The following CACNA1S variants were observed in gnomAD, a reference collection of about 807,000 sequenced individuals.
CACNA1S encodes the protein calcium voltage-gated channel subunit alpha1 S.
A neutral mutation model predicts 207.4 loss-of-function variants in CACNA1S; 126 were observed. The observed-to-expected ratio is 0.61, with a 90% CI of 0.53 to 0.70. CACNA1S has a LOEUF of 0.70. Ranked by LOEUF, CACNA1S falls within the 30% of genes least tolerant of loss-of-function variation. CACNA1S has a pLI of 0.00. For missense variants in CACNA1S, 2,349 were observed against 2,422.8 expected, an observed-to-expected ratio of 0.97 and a Z score of 0.64; for synonymous variants, 960 against 932.7, an observed-to-expected ratio of 1.03 and a Z score of -0.53.
intron 16 of CACNA1S, among the ~76,000 whole-genome samples, chr1:201,071,660 C>T (rs1661438948): frequency 6.6e-6 from 1 of 152,192 alleles, no homozygotes; most frequent in Non-Finnish European, 1.5e-5. Context: ...CCAGCCCCTT[C>T]CTTGTCCCTG....
intron 41 of CACNA1S, among the ~76,000 whole-genome samples, chr1:201,041,030 A>G (rs553279334): frequency 6.6e-6 from 1 of 152,278 alleles, no homozygotes; most frequent in East Asian, 1.9e-4. Context: ...GTGTTGGGGA[A>G]CACAGCAGTA....
In CACNA1S at chr1:201,039,854, T is replaced by A. The variant is rs752875772; in HGVS notation, c.5599A>T (p.Thr1867Ser). 6.2e-7 allele frequency: 1 copy of A among 1,607,600 alleles called. No individual in the cohort carries two copies. Among genetic ancestry groups the A allele is most frequent in the South Asian group, 1.1e-5 (1 of 91,074 alleles). Reference protein sequence around the residue: ...SLDQHQGSQETLIPPRL With the variant: ...SLDQHQGSQESLIPPRL ...CATCACAGCCTTGGAGGAATAAGGG[T>A]CTCCTGGGAGCCCTGGTGTTGGTCG... The change falls in exon 44 of 44, where the codon ACC (threonine) becomes TCC (serine). Residue 1867 changes from threonine to serine, a missense_variant. Transcript: ENST00000362061.
chr1:201,078,781 A>G (rs1661729628), intron 10 of CACNA1S, among the ~76,000 whole-genome samples: 1 of 151,700 alleles, frequency 6.6e-6, no homozygotes, highest in Non-Finnish European at 1.5e-5. Flanking sequence ...TCTTTCCTAT[A>G]TATTTAACTT....
chr1:201,082,578 C>T (rs1661876114), intron 10 of CACNA1S, among the ~76,000 whole-genome samples: 1 of 152,184 alleles, frequency 6.6e-6, no homozygotes, highest in Admixed American at 6.5e-5. Context: ...TGTGATTCTC[C>T]TCTTGCTGCT....
At chr1:201,083,921 T>A (rs1405794264) in intron 9 of CACNA1S, among the ~76,000 whole-genome samples, 1 of 152,172 alleles carries the variant, frequency 6.6e-6, no homozygotes, top group Non-Finnish European at 1.5e-5. Context: ...AGCAAGTCTA[T>A]TTCTAGAGTT....
chr1:201,087,737 T>A, intron 7 of CACNA1S, 89 bp downstream of exon 7: 2 of 623,242 alleles, frequency 3.2e-6, no homozygotes, highest in Non-Finnish European at 5.6e-6. Context: ...ACCCCTCCTG[T>A]TTCTTTTCCC....
At chr1:201,046,187 T>TTATC (rs560664811) in intron 38 of CACNA1S, among the ~76,000 whole-genome samples, 118 of 151,968 alleles carry the variant, frequency 7.8e-4, no homozygotes, top group South Asian at 4.1e-3. Context: ...ATTTATTTAT[T>TTATC]TATCTATCTT....
chr1:201,069,868 G>T (rs777935980), intron 17 of CACNA1S, among the ~76,000 whole-genome samples: 1 of 152,062 alleles, frequency 6.6e-6, no homozygotes, highest in Non-Finnish European at 1.5e-5. Context: ...CCACCCTGAG[G>T]TTTCCCATCA....
intron 1 of CACNA1S, 29 bp downstream of exon 1, chr1:201,112,159 C>CCG (rs1414120699): frequency 6.2e-7 from 1 of 1,600,396 alleles, no homozygotes; most frequent in Non-Finnish European, 8.6e-7. Flanking sequence ...ACGCACACCC[C>CCG]CCCCCACGGC....
intron 34 of CACNA1S, 34 bp from the exon 35 acceptor site, chr1:201,049,133 A>T: frequency 6.8e-7 from 1 of 1,471,594 alleles, no homozygotes; most frequent in Non-Finnish European, 9.4e-7. Flanking sequence ...TGTACCTGCT[A>T]CCCTCCTCCG....
chr1:201,078,045 C>A lies in CACNA1S; in HGVS notation c.1453G>T (p.Gly485Trp). The change falls in exon 11 of 44, where the codon GGG becomes TGG. Residue 485 changes from glycine to tryptophan, a missense_variant. By Grantham distance (184) the Gly-to-Trp change is radical. Transcript: ENST00000362061. ...ATGAAGTACTGGCGCAGGCCCAGCCCGTACATCTTCATCAGCATCTCAGTG... is the reference window on the plus strand; with the variant it reads ...ATGAAGTACTGGCGCAGGCCCAGCCAGTACATCTTCATCAGCATCTCAGTG... The part of the protein sequence containing the change: ...FTTEMLMKMY[G>W]LGLRQYFMSI... 2 of 1,614,214 alleles carry A rather than the reference C, an allele frequency of 1.2e-6. No individual in the cohort carries two copies. The highest frequency in any genetic ancestry group is 1.7e-6 in the Non-Finnish European group (2 of 1,180,030).
At chr1:201,106,104 C>T (rs1662872129) in intron 2 of CACNA1S, among the ~76,000 whole-genome samples, 1 of 152,084 alleles carries the variant, frequency 6.6e-6, no homozygotes, top group Non-Finnish European at 1.5e-5. Context: ...GTAAGTGATA[C>T]TGCCATCTGC....
chr1:201,111,024 A>G (rs1167529008), intron 1 of CACNA1S, among the ~76,000 whole-genome samples: 1 of 152,074 alleles, frequency 6.6e-6, no homozygotes, highest in Non-Finnish European at 1.5e-5. Flanking sequence ...CTTCCCAGTA[A>G]CCTCCAGTGT....
chr1:201,106,827 G>T (rs996602378), intron 2 of CACNA1S, among the ~76,000 whole-genome samples: 5 of 152,208 alleles, frequency 3.3e-5, no homozygotes, highest in African/African-American at 1.2e-4. Context: ...ACCCAAGGGT[G>T]TTGCAATCTC....
At position 201,078,221 on chromosome 1, in the gene CACNA1S, T is replaced by C; in HGVS notation, c.1394-117A>G. 4 of 840,426 alleles carry C rather than the reference T, an allele frequency of 4.8e-6. No individual in the cohort carries two copies. The South Asian group carries it at 5.5e-5, about 12-fold the overall frequency. 52.1% of individuals were successfully genotyped at this position (840,426 alleles called of 1,614,324 possible). A position where few individuals can be genotyped will look rare whatever the true frequency, so the allele number is the denominator to read the frequency against. On this transcript the variant is annotated intron_variant, in intron 10 of 43. Coordinates refer to ENST00000362061, the MANE Select transcript of CACNA1S (RefSeq NM_000069.3). ...CCCTTCCCTTGTTTCCAAGGCACCATGGATGTTTTTTGGGGGTGCAGGGGG... is the reference window on the plus strand; with the variant it reads ...CCCTTCCCTTGTTTCCAAGGCACCACGGATGTTTTTTGGGGGTGCAGGGGG...
intron 28 of CACNA1S, among the ~76,000 whole-genome samples, chr1:201,056,536 G>A (rs1660852488): frequency 6.6e-6 from 1 of 152,322 alleles, no homozygotes; most frequent in African/African-American, 2.4e-5. Context: ...GGGATCCCTC[G>A]TGGTCAGATC....
intron 10 of CACNA1S, among the ~76,000 whole-genome samples, chr1:201,080,135 G>A (rs984045289): frequency 9.9e-5 from 15 of 152,204 alleles, no homozygotes; most frequent in East Asian, 1.9e-4. Context: ...CCTCCAATGC[G>A]TCCCAGATTT....
chr1:201,067,600 C>T (rs572474640), intron 19 of CACNA1S, among the ~76,000 whole-genome samples: 10 of 152,176 alleles, frequency 6.6e-5, no homozygotes, highest in Non-Finnish European at 1.2e-4. Flanking sequence ...ATTTGCCTTC[C>T]CAGACTCGGC....
intron 2 of CACNA1S, among the ~76,000 whole-genome samples, chr1:201,099,832 G>A (rs1186442442): frequency 6.6e-6 from 1 of 152,194 alleles, no homozygotes; most frequent in East Asian, 1.9e-4. Flanking sequence ...CCTTGCCTCA[G>A]GATGGGTTTG....
Sources: gnomAD v4.1 joint callset for allele counts (sites outside exome capture counted in the v4.1 genomes callset) on GRCh38, gnomAD v4.1.1 for gene constraint, MANE v1.5 for transcripts, NCBI Gene and HGNC (gene_info 2026-07-23, HGNC 2026-07-21) for gene names.